The following ZBTB20 variants were observed in gnomAD, a reference collection of about 807,000 sequenced individuals.
ZBTB20 encodes zinc finger and BTB domain containing 20, also known as zinc finger and BTB domain-containing protein 20.
A neutral mutation model predicts 56.9 loss-of-function variants in ZBTB20; 9 were observed. The observed-to-expected ratio is 0.16, with a 90% confidence interval of 0.10 to 0.28. The LOEUF is 0.28. Ranked by LOEUF, ZBTB20 falls within the 10% of genes least tolerant of loss-of-function variation. ZBTB20 has a pLI of 1.00. For synonymous variants in ZBTB20, 417 were observed against 420.7 expected (o/e 0.99, Z 0.11); for missense variants, 655 against 1,003.0 (o/e 0.65, Z 4.69).
intron 5 of ZBTB20, among the ~76,000 whole-genome samples, chr3:114,740,189 G>T (rs1220278129): frequency 2.0e-5 from 3 of 152,118 alleles, no homozygotes; most frequent in Non-Finnish European, 4.4e-5. Flanking sequence ...CATGCCAAAT[G>T]TATATCAAAA....
chr3:114,578,808 A>G (rs1302638175), intron 6 of ZBTB20, among the ~76,000 whole-genome samples: 1 of 151,772 alleles, frequency 6.6e-6, no homozygotes. Flanking sequence ...AAGTAACAAG[A>G]AAAGTGCACC....
chr3:114,705,212 G>A (rs932689137), intron 5 of ZBTB20, among the ~76,000 whole-genome samples: 4 of 151,976 alleles, frequency 2.6e-5, no homozygotes, highest in Non-Finnish European at 5.9e-5. Flanking sequence ...ACCACAGCCT[G>A]ATAGTCTTAG....
intron 6 of ZBTB20, among the ~76,000 whole-genome samples, chr3:114,523,705 C>T (rs2046897259): frequency 6.6e-6 from 1 of 152,036 alleles, no homozygotes; most frequent in Non-Finnish European, 1.5e-5. Context: ...GGTAGGTGTG[C>T]TGGACAGCAA....
intron 2 of ZBTB20, among the ~76,000 whole-genome samples, chr3:115,042,007 C>G (rs1228207656): frequency 6.6e-6 from 1 of 152,104 alleles, no homozygotes; most frequent in Non-Finnish European, 1.5e-5. Context: ...TCTCTTGCCA[C>G]TCCATCCCCA....
intron 4 of ZBTB20, among the ~76,000 whole-genome samples, chr3:114,896,670 T>C (rs2074894228): frequency 6.6e-6 from 1 of 152,096 alleles, no homozygotes; most frequent in Admixed American, 6.6e-5. Flanking sequence ...GAAAGTGTTA[T>C]ATAGAGATGT....
chr3:115,122,537 T>C (rs1033094642), intron 1 of ZBTB20, among the ~76,000 whole-genome samples: 1 of 152,004 alleles, frequency 6.6e-6, no homozygotes, highest in African/African-American at 2.4e-5. Flanking sequence ...ATCCTATATC[T>C]CTGAGGAGAT....
At chr3:114,863,879 T>C (rs1294852968) in intron 4 of ZBTB20, among the ~76,000 whole-genome samples, 3 of 152,080 alleles carry the variant, frequency 2.0e-5, no homozygotes, top group Admixed American at 2.0e-4. Context: ...GTTTGGTGTT[T>C]AATTGCTATC....
intron 6 of ZBTB20, among the ~76,000 whole-genome samples, chr3:114,646,181 G>A (rs1227581324): frequency 6.6e-6 from 1 of 151,560 alleles, no homozygotes; most frequent in East Asian, 1.9e-4. Flanking sequence ...TAAATGGGAG[G>A]AAAGTAGGGG....
intron 6 of ZBTB20, among the ~76,000 whole-genome samples, chr3:114,540,977 G>A (rs1371054864): frequency 6.6e-6 from 1 of 151,846 alleles, no homozygotes; most frequent in Non-Finnish European, 1.5e-5. Context: ...TGAACCCTAG[G>A]ACTTTTTCCT....
chr3:114,692,997 C>A (rs555521020), intron 6 of ZBTB20, among the ~76,000 whole-genome samples: 138 of 152,152 alleles, frequency 9.1e-4, no homozygotes, highest in Non-Finnish European at 8.5e-4. Flanking sequence ...TAAGATTGAT[C>A]CAAATGAAGC....
rs2079342062 is a variant in ZBTB20 at position 114,333,548 on chromosome 3, A to T, written c.*5457T>A. 2 of 152,270 alleles carry T rather than the reference A, an allele frequency of 1.3e-5. No individual in the cohort carries two copies. Among genetic ancestry groups the T allele is most frequent in the Admixed American group, 1.3e-4 (2 of 15,288 alleles). The allele number at this position is 152,270 out of a possible 1,614,324, so 9.4% of individuals were successfully genotyped here. A position where few individuals can be genotyped will look rare whatever the true frequency, so the allele number is the denominator to read the frequency against. On this transcript the variant is annotated 3_prime_UTR_variant, in exon 12 of 12. Transcript: ENST00000675478. Reference sequence around the variant, plus strand: ...CACTCTCTTCATGCACTGCAGGCTCAGGAGGCATTGGGTTGCTTTGCTTTT... The same window carrying T: ...CACTCTCTTCATGCACTGCAGGCTCTGGAGGCATTGGGTTGCTTTGCTTTT...
At chr3:114,977,986 G>A (rs2078172454) in intron 2 of ZBTB20, among the ~76,000 whole-genome samples, 2 of 146,930 alleles carry the variant, frequency 1.4e-5, no homozygotes, top group Non-Finnish European at 1.5e-5. Flanking sequence ...ACTCCAGTAT[G>A]GGCAAGAGAA....
At chr3:114,659,162 T>C (rs764594713) in intron 6 of ZBTB20, among the ~76,000 whole-genome samples, 25 of 152,336 alleles carry the variant, frequency 1.6e-4, no homozygotes, top group Non-Finnish European at 2.9e-4. Context: ...TACCCAATCC[T>C]TTAACTCTAG....
At chr3:114,547,097 C>T (rs991866175) in intron 6 of ZBTB20, among the ~76,000 whole-genome samples, 3 of 152,088 alleles carry the variant, frequency 2.0e-5, no homozygotes, top group Non-Finnish European at 4.4e-5. Context: ...TCCAGGGAAA[C>T]AGAAGTTGAT....
intron 3 of ZBTB20, among the ~76,000 whole-genome samples, chr3:114,967,924 T>C (rs1014182850): frequency 5.4e-5 from 8 of 146,868 alleles, no homozygotes; most frequent in Non-Finnish European, 8.9e-5. Context: ...CCCATTGCAC[T>C]CCAACCTAGG....
chr3:114,729,660 G>T (rs2065577378), intron 5 of ZBTB20, among the ~76,000 whole-genome samples: 1 of 152,048 alleles, frequency 6.6e-6, no homozygotes, highest in African/African-American at 2.4e-5. Context: ...AAATATTAGT[G>T]CAATAATATT....
chr3:114,505,828 C>CA (rs1348737878), intron 6 of ZBTB20, among the ~76,000 whole-genome samples: 4 of 152,032 alleles, frequency 2.6e-5, no homozygotes, highest in Non-Finnish European at 4.4e-5. Flanking sequence ...AAGTGCCTGT[C>CA]AACTGATATT....
intron 1 of ZBTB20, among the ~76,000 whole-genome samples, chr3:115,092,382 A>T (rs1173147233): frequency 6.6e-6 from 1 of 152,180 alleles, no homozygotes; most frequent in East Asian, 1.9e-4. Flanking sequence ...TGTAAGAGAC[A>T]GAATAGACCC....
Position 114,913,082 on chromosome 3 carries a change from G to C in ZBTB20, c.-455-12740C>G, listed in dbSNP as rs914591895. Among the ~76,000 whole-genome samples the C allele has an allele frequency of 3.9e-5, 6 of 151,914 alleles. No homozygotes were observed. The South Asian group carries it at 8.3e-4, about 21-fold the overall frequency. On this transcript the variant is annotated intron_variant, in intron 3 of 11. Transcript: ENST00000675478. ...TATCTTCAATATACTGATTTCCTTT[G>C]TTTTGGGTATATACCTAGCAGTCAG...
Sources: allele counts gnomAD v4.1 joint callset (sites outside exome capture counted in the v4.1 genomes callset), GRCh38; gene constraint gnomAD v4.1.1; transcripts MANE v1.5; gene names NCBI Gene and HGNC (gene_info 2026-07-23, HGNC 2026-07-21).